LIMD1: variants seen among roughly 807,000 people sequenced by gnomAD.
LIMD1 encodes LIM domain containing 1, also known as LIM domain-containing protein 1.
LIMD1 carries 23 observed loss-of-function variants against 58.4 expected under a neutral mutation model. That is an observed-to-expected ratio of 0.39 (90% confidence interval 0.28 to 0.56). The LOEUF (loss-of-function observed/expected upper bound fraction) is 0.56, where lower values mean the gene tolerates loss of function less well. Ranked by LOEUF, LIMD1 falls within the 20% of genes least tolerant of loss-of-function variation. The probability of loss-of-function intolerance (pLI) is 0.57; values close to 1 mark genes in which losing one functional copy is unlikely to be tolerated. For missense variants in LIMD1, 838 were observed against 855.5 expected (o/e 0.98, Z 0.25); for synonymous variants, 334 against 345.5 (o/e 0.97, Z 0.37).
chr3:45,665,499 G>A (rs1049681216), intron 2 of LIMD1, 151 bp from the exon 3 acceptor site: 12 of 619,468 alleles, frequency 1.9e-5, no homozygotes, highest in Middle Eastern at 3.9e-4. Flanking sequence ...CGAGGGCCAC[G>A]GCATCTTTTA....
chr3:45,599,374 G>C (rs563153068), intron 1 of LIMD1, among the ~76,000 whole-genome samples: 1 of 152,234 alleles, frequency 6.6e-6, no homozygotes, highest in South Asian at 2.1e-4. Flanking sequence ...TGTGCATTCT[G>C]TCCCTATGGC....
At chr3:45,606,451 G>C (rs1364695794) in intron 1 of LIMD1, among the ~76,000 whole-genome samples, 1 of 152,220 alleles carries the variant, frequency 6.6e-6, no homozygotes, top group Non-Finnish European at 1.5e-5. Flanking sequence ...AGGCATGCCT[G>C]AGCTGACTGG....
At chr3:45,597,569 C>T (rs1701370144) in intron 1 of LIMD1, among the ~76,000 whole-genome samples, 1 of 152,186 alleles carries the variant, frequency 6.6e-6, no homozygotes, top group South Asian at 2.1e-4. Context: ...TTAGTTGTCT[C>T]ATAAGAGAGC....
rs1559523296 is a variant in LIMD1, at chr3:45,654,829, A to AAG, written c.1511-10820_1511-10819insGA. Among the ~76,000 whole-genome samples the AAG allele has an allele frequency of 2.1e-5, 3 of 145,780 alleles. 1 individual carries two copies. On this transcript the variant is annotated intron_variant, in intron 2 of 7. Coordinates refer to ENST00000273317, the MANE Select transcript of LIMD1 (RefSeq NM_014240.3). ...CCCTGTCTCAAAAAAAAAAAAAAAAAAAAAAGAAAAAAGAAAAAATTCATT... is the reference window on the plus strand; with the variant it reads ...CCCTGTCTCAAAAAAAAAAAAAAAAAAGAAAAAGAAAAAAGAAAAAATTCATT...
chr3:45,616,213 C>T (rs1701575009), intron 1 of LIMD1, among the ~76,000 whole-genome samples: 2 of 152,140 alleles, frequency 1.3e-5, no homozygotes, highest in African/African-American at 4.8e-5. Context: ...ACTGGGCCCC[C>T]TTCCTCCTGA....
intron 2 of LIMD1, among the ~76,000 whole-genome samples, chr3:45,640,142 G>A (rs901991706): frequency 7.9e-5 from 12 of 152,218 alleles, no homozygotes; most frequent in African/African-American, 2.9e-4. Context: ...CCTGGTTTGG[G>A]TTTTTGATTG....
At chr3:45,651,002 T>C (rs927536743) in intron 2 of LIMD1, among the ~76,000 whole-genome samples, 1 of 150,994 alleles carries the variant, frequency 6.6e-6, no homozygotes, top group African/African-American at 2.5e-5. Context: ...GCGTCTGTTG[T>C]TTCCTGACTT....
At chr3:45,597,393 C>A (rs569619786) in intron 1 of LIMD1, among the ~76,000 whole-genome samples, 4 of 152,184 alleles carry the variant, frequency 2.6e-5, no homozygotes, top group Non-Finnish European at 4.4e-5. Context: ...GCACCACAGC[C>A]GTGGCACAAA....
In LIMD1 at chr3:45,681,053, A is replaced by AAT. The variant is rs1486005910; in HGVS notation, c.*3994_*3995insAT. 1 of 151,898 alleles carries AAT rather than the reference A, an allele frequency of 6.6e-6. No homozygotes were observed. The highest frequency in any genetic ancestry group is 1.5e-5 in the Non-Finnish European group (1 of 67,992). 9.4% of individuals were successfully genotyped at this position (151,898 alleles called of 1,614,324 possible). On this transcript the variant is annotated 3_prime_UTR_variant, in exon 8 of 8. Transcript: ENST00000273317. ...AACAGAAAAAAGAGTGAAATATATT[A>AAT]GCTATCTTTTATTCTGAGCCAAAAC...
intron 7 of LIMD1, among the ~76,000 whole-genome samples, chr3:45,675,691 G>A (rs962666962): frequency 9.9e-5 from 15 of 151,962 alleles, no homozygotes; most frequent in Admixed American, 7.2e-4. Flanking sequence ...AAAAGAAACC[G>A]GTGAGATTAA....
intron 1 of LIMD1, among the ~76,000 whole-genome samples, chr3:45,608,830 A>T (rs937680803): frequency 1.9e-4 from 20 of 106,174 alleles, no homozygotes; most frequent in Non-Finnish European, 3.3e-4. Context: ...ACAGAGCGAG[A>T]CTCGGTATCA....
intron 7 of LIMD1, among the ~76,000 whole-genome samples, chr3:45,675,180 G>A (rs935045057): frequency 2.6e-5 from 4 of 152,200 alleles, no homozygotes; most frequent in Non-Finnish European, 4.4e-5. Flanking sequence ...GGAGAAAAAG[G>A]TGAGGACATT....
At chr3:45,610,323 G>T (rs758801847) in intron 1 of LIMD1, among the ~76,000 whole-genome samples, 9 of 152,158 alleles carry the variant, frequency 5.9e-5, no homozygotes, top group Middle Eastern at 3.2e-3. Flanking sequence ...CTACACTGAC[G>T]TGGTAGGGAG....
At chr3:45,610,335 C>T (rs1412268412) in intron 1 of LIMD1, among the ~76,000 whole-genome samples, 1 of 152,166 alleles carries the variant, frequency 6.6e-6, no homozygotes, top group Non-Finnish European at 1.5e-5. Context: ...GGTAGGGAGG[C>T]AGGGGCACTG....
At chr3:45,610,762 T>C (rs1701515472) in intron 1 of LIMD1, among the ~76,000 whole-genome samples, 1 of 152,152 alleles carries the variant, frequency 6.6e-6, no homozygotes, top group South Asian at 2.1e-4. Flanking sequence ...ATCTAAGTTG[T>C]CCAGTACGGG....
intron 1 of LIMD1, among the ~76,000 whole-genome samples, chr3:45,627,863 C>T (rs1168404079): frequency 1.3e-5 from 2 of 151,810 alleles, no homozygotes; most frequent in East Asian, 1.9e-4. Context: ...CAAAAATTAG[C>T]GAGGCATGGT....
rs532563076 is a variant in LIMD1, at chr3:45,673,494, C to T, written c.1813C>T (p.Leu605Phe). The change falls in exon 6 of 8, where the codon CTT (leucine) becomes TTT (phenylalanine). Residue 605 changes from leucine (L) to phenylalanine (F), a missense_variant. Physicochemically the swap from Leu to Phe is conservative, Grantham distance 22 (BLOSUM62 0). Coordinates refer to ENST00000273317, the MANE Select transcript of LIMD1 (RefSeq NM_014240.3). ...GTGTGCAGCCTGTGGGCTTCCCATCCTTCCACCTGAGGTAAGATGCCCTTC... is the reference window on the plus strand; with the variant it reads ...GTGTGCAGCCTGTGGGCTTCCCATCTTTCCACCTGAGGTAAGATGCCCTTC... ...PKCAACGLPI[L>F]PPEGSDETIR... The T allele has an allele frequency of 3.1e-6, 5 of 1,613,488 alleles. No homozygotes were observed. The highest frequency in any genetic ancestry group is 4.2e-6 in the Non-Finnish European group (5 of 1,179,506).
At chr3:45,671,998 T>C (rs1028058003) in intron 4 of LIMD1, among the ~76,000 whole-genome samples, 2 of 152,206 alleles carry the variant, frequency 1.3e-5, no homozygotes, top group Non-Finnish European at 2.9e-5. Flanking sequence ...CAGTTCCAGG[T>C]ATCCCATCCA....
At chr3:45,603,267 G>A (rs1431695502) in intron 1 of LIMD1, among the ~76,000 whole-genome samples, 1 of 152,146 alleles carries the variant, frequency 6.6e-6, no homozygotes, top group East Asian at 1.9e-4. Context: ...ACATGGGCTA[G>A]TCTTGTAATA....
Sources: gnomAD v4.1 joint callset for allele counts (sites outside exome capture counted in the v4.1 genomes callset) on GRCh38, gnomAD v4.1.1 for gene constraint, MANE v1.5 for transcripts, NCBI Gene and HGNC (gene_info 2026-07-23, HGNC 2026-07-21) for gene names.